PTPRJ: variants seen among roughly 807,000 people sequenced by gnomAD.
The protein encoded by PTPRJ is protein tyrosine phosphatase receptor type J.
In PTPRJ, 129 loss-of-function variants were observed where a neutral mutation model predicts 141.3. The ratio of observed to expected loss-of-function variants is 0.91; its 90% CI spans 0.79 to 1.06. The LOEUF is 1.06. Among genes scored for constraint, PTPRJ ranks in the 50% least tolerant of loss-of-function variants. PTPRJ has a pLI of 0.00. For missense variants in PTPRJ, 1,601 were observed against 1,679.7 expected, an observed-to-expected ratio of 0.95 and a Z score of 0.82; for synonymous variants, 610 against 640.5, an observed-to-expected ratio of 0.95 and a Z score of 0.72.
chr11:47,982,150 G>A (rs1241194584), intron 1 of PTPRJ, among the ~76,000 whole-genome samples: 1 of 152,230 alleles, frequency 6.6e-6, no homozygotes, highest in African/African-American at 2.4e-5. Flanking sequence ...CCTGGGGGCT[G>A]CGTGACCCTC....
At chr11:48,064,400 C>T (rs1000176070) in intron 1 of PTPRJ, among the ~76,000 whole-genome samples, 2 of 152,088 alleles carry the variant, frequency 1.3e-5, no homozygotes, top group Non-Finnish European at 1.5e-5. Flanking sequence ...CAGCAGGGTC[C>T]GAACAGCTGG....
intron 1 of PTPRJ, among the ~76,000 whole-genome samples, chr11:48,081,947 G>T (rs551143805): frequency 6.6e-6 from 1 of 152,286 alleles, no homozygotes; most frequent in South Asian, 2.1e-4. Context: ...TCTTGGTATT[G>T]TGTTGATGGT....
At chr11:48,159,123 G>GGGTGTGTGTGTCTGTGTC (rs1555058316) in intron 21 of PTPRJ, among the ~76,000 whole-genome samples, 2 of 139,468 alleles carry the variant, frequency 1.4e-5, no homozygotes, top group African/African-American at 2.7e-5. Flanking sequence ...TGTATGTGGG[G>GGGTGTGTGTGTCTGTGTC]TGTGTGTGTG....
At chr11:48,005,334 C>T (rs1854595688) in intron 1 of PTPRJ, among the ~76,000 whole-genome samples, 3 of 152,154 alleles carry the variant, frequency 2.0e-5, no homozygotes, top group African/African-American at 4.8e-5. Context: ...AACCCCATGC[C>T]CACGAGTGCT....
rs1378924986 is a variant in PTPRJ at position 48,167,433 on chromosome 11, C to T, written c.*71C>T. The T allele has an allele frequency of 3.8e-5, 57 of 1,482,058 alleles. No individual in the cohort carries two copies. The highest frequency in any genetic ancestry group is 1.4e-4 in the South Asian group (11 of 81,346). 91.8% of individuals were successfully genotyped at this position (1,482,058 alleles called of 1,614,324 possible). A position where few individuals can be genotyped will look rare whatever the true frequency, so the allele number is the denominator to read the frequency against. On this transcript the variant is annotated 3_prime_UTR_variant, in exon 25 of 25. Coordinates refer to ENST00000418331, the MANE Select transcript of PTPRJ (RefSeq NM_002843.4). ...ACAGCGAAGGCACATGCCCCGATGT[C>T]GACATGTTTTTATATGTCTAATATC...
chr11:48,086,281 C>T (rs1255257372), intron 1 of PTPRJ, among the ~76,000 whole-genome samples: 1 of 152,160 alleles, frequency 6.6e-6, no homozygotes, highest in Non-Finnish European at 1.5e-5. Context: ...CAGCGATTCT[C>T]CTGCCTCAGC....
At chr11:48,003,200 T>G (rs75944083) in intron 1 of PTPRJ, among the ~76,000 whole-genome samples, 1 of 152,252 alleles carries the variant, frequency 6.6e-6, no homozygotes, top group Non-Finnish European at 1.5e-5. Context: ...GGATGTACTA[T>G]AATTCATTTA....
At chr11:48,084,975 A>G (rs911038623) in intron 1 of PTPRJ, among the ~76,000 whole-genome samples, 6 of 152,244 alleles carry the variant, frequency 3.9e-5, no homozygotes, top group African/African-American at 1.4e-4. Flanking sequence ...ACAGAATATG[A>G]AAAGTTCACC....
chr11:48,051,910 C>T (rs531094376), intron 1 of PTPRJ, among the ~76,000 whole-genome samples: 1 of 152,302 alleles, frequency 6.6e-6, no homozygotes, highest in African/African-American at 2.4e-5. Flanking sequence ...AGATGATAGT[C>T]ATATCTGAAT....
rs1246515612 is a variant in PTPRJ at position 48,158,495 on chromosome 11, G to A, written c.3439-1435G>A. 6.6e-6 allele frequency among the ~76,000 whole-genome samples: 1 copy of A among 152,146 alleles called. No individual in the cohort carries two copies. Among genetic ancestry groups the A allele is most frequent in the Non-Finnish European group, 1.5e-5 (1 of 68,022 alleles). ...GGGGAGTTTAAGAACTTGCCCACAA[G>A]GTAGGAACAAAAATATACCTGGTAA... On this transcript the variant is annotated intron_variant, in intron 21 of 24. Transcript: ENST00000418331. The surrounding 1 kb of genome is among the most constrained non-coding windows in gnomAD (Gnocchi z 4.4).
At chr11:48,139,361 G>A in intron 10 of PTPRJ, 125 bp from the exon 11 acceptor site, 1 of 1,019,122 alleles carries the variant, frequency 9.8e-7, no homozygotes. Flanking sequence ...TTTAGGGTCA[G>A]CCCCTGCCTC....
At chr11:48,062,071 AT>A (rs915346609) in intron 1 of PTPRJ, among the ~76,000 whole-genome samples, 471 of 141,688 alleles carry the variant, frequency 3.3e-3, no homozygotes, top group African/African-American at 4.0e-3. Flanking sequence ...TGCCTGGCTA[AT>A]TTTTTTTTTT....
At chr11:48,064,520 T>A (rs940407391) in intron 1 of PTPRJ, among the ~76,000 whole-genome samples, 26 of 152,154 alleles carry the variant, frequency 1.7e-4, no homozygotes, top group African/African-American at 6.3e-4. Context: ...CCTTTCCTGC[T>A]CCCTGAGAAT....
chr11:48,131,070 A>T (rs4752903), intron 8 of PTPRJ, among the ~76,000 whole-genome samples: 1,185 of 46,770 alleles, frequency 0.025, 225 homozygotes, highest in Admixed American at 0.037. Context: ...ATATATATAT[A>T]TTTTTTTTTT....
intron 1 of PTPRJ, among the ~76,000 whole-genome samples, chr11:48,036,552 G>GT (rs1175304905): frequency 1.3e-5 from 2 of 152,122 alleles, no homozygotes; most frequent in Non-Finnish European, 2.9e-5. Context: ...ATTTTTAGTG[G>GT]TGGCCTTATC....
intron 1 of PTPRJ, among the ~76,000 whole-genome samples, chr11:48,025,603 C>T (rs1355311280): frequency 6.6e-6 from 1 of 152,150 alleles, no homozygotes; most frequent in Non-Finnish European, 1.5e-5. Flanking sequence ...ATCAAGGAGG[C>T]GAAGGTCAAG....
At chr11:48,009,324 A>T (rs531573135) in intron 1 of PTPRJ, among the ~76,000 whole-genome samples, 1 of 152,296 alleles carries the variant, frequency 6.6e-6, no homozygotes, top group South Asian at 2.1e-4. Context: ...GGCTGGGCGC[A>T]GTGGCTCACG....
intron 15 of PTPRJ, among the ~76,000 whole-genome samples, chr11:48,147,908 A>G (rs1264963503): frequency 2.0e-5 from 3 of 151,456 alleles, no homozygotes; most frequent in South Asian, 2.1e-4. Flanking sequence ...GTACAGTGGC[A>G]TGATCTCAGC....
intron 12 of PTPRJ, 50 bp downstream of exon 12, chr11:48,143,100 C>T (rs768863311): frequency 1.2e-6 from 2 of 1,603,362 alleles, no homozygotes. Context: ...ATGCAGTGAC[C>T]AGAGCTTTCT....
Sources: gnomAD v4.1 joint callset for allele counts (sites outside exome capture counted in the v4.1 genomes callset) on GRCh38, gnomAD v4.1.1 for gene constraint, Gnocchi (gnomAD v3.1) non-coding constraint, MANE v1.5 for transcripts, NCBI Gene and HGNC (gene_info 2026-07-23, HGNC 2026-07-21) for gene names.